ARL6: variants seen among roughly 807,000 people sequenced by gnomAD.
The protein encoded by ARL6 is ARF like GTPase 6.
A neutral mutation model predicts 27.1 loss-of-function variants in ARL6; 18 were observed. That is an observed-to-expected ratio of 0.66 (90% CI 0.46 to 0.98). ARL6 has a LOEUF of 0.98. Ranked by LOEUF, ARL6 falls within the 50% of genes least tolerant of loss-of-function variation. ARL6 has a pLI of 0.00. For missense variants in ARL6, 187 were observed against 214.9 expected (o/e 0.87, Z 0.81); for synonymous variants, 65 against 72.3 (o/e 0.90, Z 0.51).
In ARL6 at chr3:97,780,547, A is replaced by T. The variant is rs1301181060; in HGVS notation, c.186-68A>T. The T allele has an allele frequency of 3.1e-6, 4 of 1,299,978 alleles. No homozygotes were observed. The Admixed American group carries it at 6.8e-5, about 22-fold the overall frequency. The allele number at this position is 1,299,978 out of a possible 1,614,324, so 80.5% of individuals were successfully genotyped here. On this transcript the variant is annotated intron_variant, in intron 3 of 7. Transcript: ENST00000463745. ...AAGGGTAATTTCTTTGATTGTAAAT[A>T]ATTTAAAATTTTAAGTAAAAGTTAT...
chr3:97,798,169 T>C lies in ARL6; in HGVS notation c.*120T>C. ...AAATATAATTTTCTGCTTGCATTTA[T>C]GGACTCTGACCTTTTTAAGAACATA... On this transcript the variant is annotated 3_prime_UTR_variant, in exon 8 of 8. Coordinates refer to ENST00000463745, the MANE Select transcript of ARL6 (RefSeq NM_001278293.3). 9.4e-7 allele frequency: 1 copy of C among 1,060,228 alleles called. No individual in the cohort carries two copies. The highest frequency in any genetic ancestry group is 1.4e-6 in the Non-Finnish European group (1 of 690,240). 65.7% of individuals were successfully genotyped at this position (1,060,228 alleles called of 1,614,324 possible).
chr3:97,770,544 T>C (rs777956757), intron 2 of ARL6, among the ~76,000 whole-genome samples: 1 of 152,152 alleles, frequency 6.6e-6, no homozygotes, highest in African/African-American at 2.4e-5. Flanking sequence ...TGTAGCTTGA[T>C]ATAGTCCAAT....
chr3:97,798,074 C>A lies in ARL6; in HGVS notation c.*25C>A. On this transcript the variant is annotated 3_prime_UTR_variant, in exon 8 of 8. Transcript: ENST00000463745. ...AAAAGATAATAGTTGGAAACCTCAG[C>A]AATTTTCAATTCAAGGAATCTATCT... 1 of 1,605,696 alleles carries A rather than the reference C, an allele frequency of 6.2e-7. No individual in the cohort carries two copies. The highest frequency in any genetic ancestry group is 1.1e-5 in the South Asian group (1 of 90,880).
In ARL6 at chr3:97,798,285, A is replaced by G; in HGVS notation, c.*236A>G. The stretch of plus-strand genomic sequence containing the variant: ...CCTAGAATTATCAAGTTCTTAGTGA[A>G]GGTCTACATTTGATTGTACGTAGAA... On this transcript the variant is annotated 3_prime_UTR_variant, in exon 8 of 8. Transcript: ENST00000463745. The G allele has an allele frequency of 2.1e-6, 1 of 487,656 alleles. No individual in the cohort carries two copies. Among genetic ancestry groups the G allele is most frequent in the Non-Finnish European group, 3.7e-6 (1 of 268,768 alleles). The allele number at this position is 487,656 out of a possible 1,614,324, so 30.2% of individuals were successfully genotyped here. A position where few individuals can be genotyped will look rare whatever the true frequency, so the allele number is the denominator to read the frequency against.
At chr3:97,791,698 A>G in intron 6 of ARL6, 73 bp from the exon 7 acceptor site, 1 of 1,438,322 alleles carries the variant, frequency 7.0e-7, no homozygotes, top group Non-Finnish European at 9.8e-7. Context: ...CCATATGGCA[A>G]AATTGTAATC....
chr3:97,765,653 C>T (rs1320775105), intron 1 of ARL6, among the ~76,000 whole-genome samples: 3 of 152,266 alleles, frequency 2.0e-5, no homozygotes, highest in East Asian at 3.9e-4. Context: ...CAGTAGTTCT[C>T]AATAGTAACT....
intron 4 of ARL6, among the ~76,000 whole-genome samples, chr3:97,783,752 A>G (rs2037314717): frequency 6.6e-6 from 1 of 151,750 alleles, no homozygotes; most frequent in Non-Finnish European, 1.5e-5. Flanking sequence ...TTAAATACTT[A>G]ATTTATGATT....
rs1328741736 is a variant in ARL6 at position 97,798,091 on chromosome 3, AATCT to A, written c.*48_*51del. Reference sequence around the variant, plus strand: ...AACCTCAGCAATTTTCAATTCAAGGAATCTATCTAAGACAAATAGAATACATTTT... The same window carrying A: ...AACCTCAGCAATTTTCAATTCAAGGAATCTAAGACAAATAGAATACATTTT... On this transcript the variant is annotated 3_prime_UTR_variant, in exon 8 of 8. Transcript: ENST00000463745. 3.2e-6 allele frequency: 5 copies of A among 1,579,314 alleles called. No homozygotes were observed. In the South Asian group the frequency reaches 3.3e-5, roughly 10 times the overall value.
chr3:97,782,983 T>C (rs2108044968), intron 4 of ARL6, among the ~76,000 whole-genome samples: 1 of 151,026 alleles, frequency 6.6e-6, no homozygotes, highest in Non-Finnish European at 1.5e-5. Flanking sequence ...TTTATTTTTC[T>C]TTTCTTTTTT....
chr3:97,790,051 T>TTGTGTGTGTGTGTGTG (rs3058067), intron 6 of ARL6, among the ~76,000 whole-genome samples: 2 of 137,072 alleles, frequency 1.5e-5, no homozygotes, highest in African/African-American at 2.7e-5. Flanking sequence ...GGCATCATGA[T>TTGTGTGTGTGTGTGTG]TGTGTGTGTG....
At position 97,764,787 on chromosome 3, in the gene ARL6, A is replaced by G. The variant is rs2036283362; in HGVS notation, c.-218A>G. 6.6e-6 allele frequency: 1 copy of G among 152,242 alleles called. No individual in the cohort carries two copies. Among genetic ancestry groups the G allele is most frequent in the Non-Finnish European group, 1.5e-5 (1 of 68,080 alleles). The allele number at this position is 152,242 out of a possible 1,614,324, so 9.4% of individuals were successfully genotyped here. On this transcript the variant is annotated 5_prime_UTR_variant, in exon 1 of 8. Coordinates refer to ENST00000463745, the MANE Select transcript of ARL6 (RefSeq NM_001278293.3). ...CGCCTGCTCAGCGACTGATGCACAGACTGCTGCAGAGGCTGCCGGTTTTCC... is the reference window on the plus strand; with the variant it reads ...CGCCTGCTCAGCGACTGATGCACAGGCTGCTGCAGAGGCTGCCGGTTTTCC...
intron 6 of ARL6, among the ~76,000 whole-genome samples, chr3:97,789,953 G>A (rs2037642507): frequency 6.6e-6 from 1 of 151,670 alleles, no homozygotes; most frequent in Non-Finnish European, 1.5e-5. Flanking sequence ...TTTTATGTTT[G>A]ACCATTGTAC....
rs1336849704 is a variant in ARL6 at position 97,798,498 on chromosome 3, ATG to A, written c.*453_*454del. On this transcript the variant is annotated 3_prime_UTR_variant, in exon 8 of 8. Transcript: ENST00000463745. ...AATTAATATATATTCAATTTTTACT[ATG>A]TGTCACTGTCAATAAAATGTAAAAT... 2.0e-5 allele frequency: 3 copies of A among 153,714 alleles called. No individual in the cohort carries two copies. The highest frequency in any genetic ancestry group is 7.2e-5 in the African/African-American group (3 of 41,466). The allele number at this position is 153,714 out of a possible 1,614,324, so 9.5% of individuals were successfully genotyped here. A position where few individuals can be genotyped will look rare whatever the true frequency, so the allele number is the denominator to read the frequency against.
intron 6 of ARL6, among the ~76,000 whole-genome samples, chr3:97,789,041 G>C (rs1358996325): frequency 1.3e-5 from 2 of 152,118 alleles, no homozygotes; most frequent in African/African-American, 4.8e-5. Flanking sequence ...TATGAAGCAA[G>C]GAGGTCATAG....
intron 1 of ARL6, chr3:97,766,818 C>T (rs1396902345): frequency 6.6e-6 from 1 of 152,118 alleles, no homozygotes; most frequent in Non-Finnish European, 1.5e-5. Context: ...CATTAGAGAA[C>T]TAATGTTGGT....
intron 2 of ARL6, among the ~76,000 whole-genome samples, chr3:97,775,578 C>T (rs1447240795): frequency 1.3e-5 from 2 of 152,164 alleles, no homozygotes; most frequent in African/African-American, 2.4e-5. Flanking sequence ...CCTTTAGCAG[C>T]ACCCTCACAG....
At position 97,799,836 on chromosome 3, in the gene ARL6, C is replaced by T. The variant is rs2038170897; in HGVS notation, c.*1787C>T. 1 of 152,092 alleles carries T rather than the reference C, an allele frequency of 6.6e-6. No homozygotes were observed. The highest frequency in any genetic ancestry group is 2.4e-5 in the African/African-American group (1 of 41,436). The allele number at this position is 152,092 out of a possible 1,614,324, so 9.4% of individuals were successfully genotyped here. On this transcript the variant is annotated 3_prime_UTR_variant, in exon 8 of 8. Transcript: ENST00000463745. ...GTACTAGGATTCAGTACCAAGCAGTCTGTTTTAAGACAGATGATTCAAGAG... is the reference window on the plus strand; with the variant it reads ...GTACTAGGATTCAGTACCAAGCAGTTTGTTTTAAGACAGATGATTCAAGAG...
At chr3:97,796,322 G>T (rs956837361) in intron 7 of ARL6, among the ~76,000 whole-genome samples, 7 of 151,634 alleles carry the variant, frequency 4.6e-5, no homozygotes, top group Non-Finnish European at 7.4e-5. Context: ...TAAACTACTT[G>T]AAAAGAAAGA....
intron 2 of ARL6, among the ~76,000 whole-genome samples, chr3:97,773,732 A>C (rs2036751343): frequency 6.6e-6 from 1 of 152,238 alleles, no homozygotes; most frequent in Admixed American, 6.5e-5. Flanking sequence ...ATATGTACAC[A>C]AACATGTTTT....
Sources: allele counts gnomAD v4.1 joint callset (sites outside exome capture counted in the v4.1 genomes callset), GRCh38; gene constraint gnomAD v4.1.1; transcripts MANE v1.5; gene names NCBI Gene and HGNC (gene_info 2026-07-23, HGNC 2026-07-21).